The following CNTN4 variants were observed in gnomAD, a reference collection of about 807,000 sequenced individuals.
CNTN4 encodes contactin 4.
Under a neutral mutation model 122.5 loss-of-function variants are expected in CNTN4, and 77 were observed. That is an observed-to-expected ratio of 0.63 (90% CI 0.52 to 0.76). CNTN4 has a LOEUF of 0.76. Ranked by LOEUF, CNTN4 falls within the 30% of genes least tolerant of loss-of-function variation. CNTN4 has a pLI of 0.00. For missense variants in CNTN4, 1,256 were observed against 1,259.1 expected, an observed-to-expected ratio of 1.00 and a Z score of 0.04; for synonymous variants, 512 against 447.0, an observed-to-expected ratio of 1.15 and a Z score of -1.83.
intron 4 of CNTN4, among the ~76,000 whole-genome samples, chr3:2,724,713 A>T (rs71311720): frequency 0.02 from 2,970 of 152,304 alleles, 33 homozygotes; most frequent in Middle Eastern, 0.048. Context: ...GCATTCTGTG[A>T]TTGGGCAGTT....
At chr3:2,620,297 C>G (rs1013662712) in intron 4 of CNTN4, among the ~76,000 whole-genome samples, 1 of 152,024 alleles carries the variant, frequency 6.6e-6, no homozygotes, top group African/African-American at 2.4e-5. Flanking sequence ...CACACGAGTT[C>G]AAGACCAGCC....
chr3:2,421,406 C>A (rs2047614291), intron 3 of CNTN4, among the ~76,000 whole-genome samples: 1 of 152,146 alleles, frequency 6.6e-6, no homozygotes, highest in African/African-American at 2.4e-5. Flanking sequence ...CACTTGCCAC[C>A]ATGCCCAGCT....
intron 4 of CNTN4, among the ~76,000 whole-genome samples, chr3:2,714,058 A>G (rs1419182507): frequency 6.6e-6 from 1 of 152,194 alleles, no homozygotes; most frequent in African/African-American, 2.4e-5. Flanking sequence ...CTTCTACAGA[A>G]CTAGTAATAA....
intron 6 of CNTN4, among the ~76,000 whole-genome samples, chr3:2,747,496 C>T (rs1391228032): frequency 6.7e-6 from 1 of 150,052 alleles, no homozygotes; most frequent in African/African-American, 2.5e-5. Flanking sequence ...AAAAAATTAC[C>T]AGCTCTTAAG....
intron 2 of CNTN4, among the ~76,000 whole-genome samples, chr3:2,335,412 A>T (rs2043909256): frequency 6.6e-6 from 1 of 152,112 alleles, no homozygotes; most frequent in South Asian, 2.1e-4. Context: ...GTAGGAGTAC[A>T]TTAGGCTCAT....
At chr3:2,483,622 G>T (rs2076066965) in intron 3 of CNTN4, among the ~76,000 whole-genome samples, 1 of 152,108 alleles carries the variant, frequency 6.6e-6, no homozygotes, top group Admixed American at 6.5e-5. Flanking sequence ...ATTCATGGGG[G>T]CCATTTCCCC....
At chr3:2,601,134 T>A (rs1283448540) in intron 4 of CNTN4, among the ~76,000 whole-genome samples, 1 of 152,196 alleles carries the variant, frequency 6.6e-6, no homozygotes, top group Non-Finnish European at 1.5e-5. Flanking sequence ...GCAAAAATTT[T>A]CTCCCATTCT....
intron 13 of CNTN4, among the ~76,000 whole-genome samples, chr3:2,957,676 T>C (rs762452966): frequency 6.6e-6 from 1 of 152,208 alleles, no homozygotes; most frequent in Non-Finnish European, 1.5e-5. Flanking sequence ...CTCCCACTAA[T>C]AAGAACATGT....
intron 4 of CNTN4, among the ~76,000 whole-genome samples, chr3:2,707,779 A>T (rs2086832394): frequency 6.6e-6 from 1 of 151,992 alleles, no homozygotes; most frequent in Admixed American, 6.6e-5. Flanking sequence ...TAAGTGCTGC[A>T]CATACCACCA....
At chr3:2,394,784 G>GTTT (rs56027529) in intron 3 of CNTN4, among the ~76,000 whole-genome samples, 18,929 of 108,368 alleles carry the variant, frequency 0.17, 2,196 homozygotes, top group Non-Finnish European at 0.25. Context: ...CCTTATATTA[G>GTTT]TTTTTTTTTT....
chr3:2,970,674 G>T (rs1170992933), intron 13 of CNTN4, among the ~76,000 whole-genome samples: 1 of 152,052 alleles, frequency 6.6e-6, no homozygotes, highest in Non-Finnish European at 1.5e-5. Flanking sequence ...TCAAACACCT[G>T]GGCTCAACTA....
chr3:2,853,348 G>A lies in CNTN4; in HGVS notation c.455-13404G>A, dbSNP rs181971441. ...CAAGCTCCGCCTCCCGGGTTCAAGCGATTCTCCTGCCTCAGCCTCCCAAGT... is the reference window on the plus strand; with the variant it reads ...CAAGCTCCGCCTCCCGGGTTCAAGCAATTCTCCTGCCTCAGCCTCCCAAGT... On this transcript the variant is annotated intron_variant, in intron 7 of 24. Transcript: ENST00000418658. 3.9e-3 allele frequency among the ~76,000 whole-genome samples: 599 copies of A among 152,178 alleles called. 4 individuals carry two copies. The highest frequency in any genetic ancestry group is 0.014 in the African/African-American group (577 of 41,524).
chr3:2,272,809 C>A (rs2041353452), intron 2 of CNTN4, among the ~76,000 whole-genome samples: 1 of 16,046 alleles, frequency 6.2e-5, no homozygotes, highest in African/African-American at 6.8e-5. Flanking sequence ...CACTACAGAG[C>A]CTTTTTTTTT....
At chr3:2,622,688 C>T (rs1250917865) in intron 4 of CNTN4, among the ~76,000 whole-genome samples, 3 of 152,174 alleles carry the variant, frequency 2.0e-5, no homozygotes, top group Non-Finnish European at 4.4e-5. Context: ...TTTGCCAGAC[C>T]TTTTGAGTTC....
intron 4 of CNTN4, chr3:2,629,462 T>A (rs531272226): frequency 4.3e-5 from 17 of 390,892 alleles, no homozygotes; most frequent in Admixed American, 2.0e-4. Flanking sequence ...GATCACCACT[T>A]GGTTTCTGAA....
At chr3:2,451,692 T>C (rs927385794) in intron 3 of CNTN4, among the ~76,000 whole-genome samples, 6 of 152,178 alleles carry the variant, frequency 3.9e-5, no homozygotes, top group Non-Finnish European at 8.8e-5. Context: ...TTAGTGTGTA[T>C]ATTTCTTGAG....
chr3:2,466,037 C>T (rs1249572232), intron 3 of CNTN4, among the ~76,000 whole-genome samples: 1 of 152,108 alleles, frequency 6.6e-6, no homozygotes, highest in South Asian at 2.1e-4. Context: ...TCAAAGATAC[C>T]AGGGAATTCA....
At chr3:3,054,088 A>G in intron 24 of CNTN4, 113 bp downstream of exon 24, 1 of 1,102,884 alleles carries the variant, frequency 9.1e-7, no homozygotes, top group Non-Finnish European at 1.4e-6. Context: ...TAAAATAGAA[A>G]TGGAGAACAC....
chr3:2,267,376 AT>A, intron 2 of CNTN4, among the ~76,000 whole-genome samples: 1 of 152,234 alleles, frequency 6.6e-6, no homozygotes, highest in South Asian at 2.1e-4. Flanking sequence ...AAAATCAGCA[AT>A]TTCACAGCTG....
Sources: allele counts gnomAD v4.1 joint callset (sites outside exome capture counted in the v4.1 genomes callset), GRCh38; gene constraint gnomAD v4.1.1; transcripts MANE v1.5; gene names NCBI Gene and HGNC (gene_info 2026-07-23, HGNC 2026-07-21).